SCHIP1: variants seen among roughly 807,000 people sequenced by gnomAD.
The protein encoded by SCHIP1 is schwannomin-interacting protein 1.
SCHIP1 carries 8 observed loss-of-function variants against 29.7 expected under a neutral mutation model. The ratio of observed to expected loss-of-function variants is 0.27; its 90% CI spans 0.16 to 0.49. SCHIP1 has a LOEUF of 0.49. SCHIP1 is among the 20% of genes least tolerant of loss of function. The pLI is 0.99. For missense variants in SCHIP1, 193 were observed against 294.6 expected, an observed-to-expected ratio of 0.66 and a Z score of 2.52; for synonymous variants, 76 against 94.9, an observed-to-expected ratio of 0.80 and a Z score of 1.16.
chr3:159,274,946 T>C, the SCHIP1 span: 1 of 979,210 alleles, frequency 1.0e-6, no homozygotes. Context: ...GACCTCCAAT[T>C]CAAATATAAT....
At chr3:159,571,573 T>A in the SCHIP1 span, among the ~76,000 whole-genome samples, 1 of 152,318 alleles carries the variant, frequency 6.6e-6, no homozygotes, top group African/African-American at 2.4e-5. Flanking sequence ...TCATCAGGGA[T>A]ATTGATCTAA....
At chr3:159,586,187 G>A in the SCHIP1 span, among the ~76,000 whole-genome samples, 18 of 152,134 alleles carry the variant, frequency 1.2e-4, no homozygotes, top group South Asian at 6.2e-4. Context: ...AAGGACATTC[G>A]TCCCTAGGTG....
the SCHIP1 span, among the ~76,000 whole-genome samples, chr3:159,680,963 G>A: frequency 1.1e-4 from 17 of 150,996 alleles, no homozygotes; most frequent in South Asian, 1.7e-3. Flanking sequence ...CATATGCTTC[G>A]AATATCAACT....
the SCHIP1 span, among the ~76,000 whole-genome samples, chr3:159,502,648 C>A: frequency 6.6e-6 from 1 of 151,926 alleles, no homozygotes; most frequent in African/African-American, 2.4e-5. Context: ...CCCCACTCCC[C>A]CCACCCCACA....
At chr3:159,448,661 A>G in the SCHIP1 span, among the ~76,000 whole-genome samples, 3 of 152,184 alleles carry the variant, frequency 2.0e-5, no homozygotes, top group Admixed American at 2.0e-4. Context: ...ATGTTTGGTG[A>G]TAATAATCTC....
intron 1 of SCHIP1, among the ~76,000 whole-genome samples, chr3:159,863,025 T>C (rs1342784723): frequency 1.3e-5 from 2 of 152,114 alleles, no homozygotes; most frequent in Non-Finnish European, 2.9e-5. Flanking sequence ...TAATCAGACA[T>C]GTGGGCAGGC....
At chr3:159,871,367 G>A (rs533069158) in intron 2 of SCHIP1, among the ~76,000 whole-genome samples, 1 of 118,802 alleles carries the variant, frequency 8.4e-6, no homozygotes, top group Non-Finnish European at 1.7e-5. Flanking sequence ...GTTGGGGGGG[G>A]TGGGGGGGGG....
chr3:159,764,977 G>A, the SCHIP1 span: 2 of 1,503,562 alleles, frequency 1.3e-6, no homozygotes, highest in African/African-American at 1.5e-5. The surrounding 1 kb of genome is among the most constrained non-coding windows in gnomAD (Gnocchi z 6.1). Flanking sequence ...CCCGGCGGCT[G>A]GGGGGCTCTG....
At chr3:159,643,418 A>C in the SCHIP1 span, among the ~76,000 whole-genome samples, 1 of 152,084 alleles carries the variant, frequency 6.6e-6, no homozygotes, top group Non-Finnish European at 1.5e-5. Context: ...TGAGAGACAG[A>C]GTACCAACAG....
chr3:159,881,861 T>C (rs1716470278), intron 2 of SCHIP1, among the ~76,000 whole-genome samples: 1 of 152,196 alleles, frequency 6.6e-6, no homozygotes, highest in African/African-American at 2.4e-5. Flanking sequence ...GCTTATTCAG[T>C]CATCTCCGGT....
At chr3:159,315,393 C>CT in the SCHIP1 span, among the ~76,000 whole-genome samples, 27,953 of 136,056 alleles carry the variant, frequency 0.21, 2,968 homozygotes, top group Middle Eastern at 0.29. Flanking sequence ...TATTTTCTTT[C>CT]TTTTTTTTTT....
chr3:159,498,814 C>A, the SCHIP1 span, among the ~76,000 whole-genome samples: 1 of 152,110 alleles, frequency 6.6e-6, no homozygotes, highest in African/African-American at 2.4e-5. Context: ...TTTCTTTGAT[C>A]CTTAGATGTC....
chr3:159,404,104 T>A, the SCHIP1 span, among the ~76,000 whole-genome samples: 1 of 152,272 alleles, frequency 6.6e-6, no homozygotes, highest in South Asian at 2.1e-4. Flanking sequence ...AAAGAGCCCT[T>A]GGGCCCTGAA....
the SCHIP1 span, among the ~76,000 whole-genome samples, chr3:159,436,501 T>C: frequency 6.9e-3 from 1,048 of 152,266 alleles, 78 homozygotes; most frequent in East Asian, 0.16. Context: ...TCACTGGTAC[T>C]AGAGGAGCTT....
chr3:159,755,612 C>T, the SCHIP1 span, among the ~76,000 whole-genome samples: 1 of 152,184 alleles, frequency 6.6e-6, no homozygotes, highest in African/African-American at 2.4e-5. Flanking sequence ...ACGAATCATG[C>T]CTTCCCAACA....
At chr3:159,564,251 A>G in the SCHIP1 span, among the ~76,000 whole-genome samples, 1 of 152,196 alleles carries the variant, frequency 6.6e-6, no homozygotes, top group African/African-American at 2.4e-5. Context: ...CATAAGTCCT[A>G]AGTGTACAGC....
At chr3:159,449,162 C>T in the SCHIP1 span, among the ~76,000 whole-genome samples, 11 of 152,144 alleles carry the variant, frequency 7.2e-5, no homozygotes, top group African/African-American at 2.7e-4. Flanking sequence ...GTCCTTCTGC[C>T]TTGCTCAAAT....
At chr3:159,627,776 C>T in the SCHIP1 span, among the ~76,000 whole-genome samples, 16 of 152,266 alleles carry the variant, frequency 1.1e-4, no homozygotes, top group East Asian at 3.1e-3. Context: ...GACTTGGAGG[C>T]CAAGATCCCG....
chr3:159,580,066 A>G, the SCHIP1 span, among the ~76,000 whole-genome samples: 2 of 152,220 alleles, frequency 1.3e-5, no homozygotes, highest in Non-Finnish European at 2.9e-5. Flanking sequence ...CTGTAGGCAC[A>G]TGCTCTAACT....
Sources: allele counts gnomAD v4.1 joint callset (sites outside exome capture counted in the v4.1 genomes callset), GRCh38; gene constraint gnomAD v4.1.1; non-coding constraint Gnocchi (gnomAD v3.1); transcripts MANE v1.5; gene names NCBI Gene and HGNC (gene_info 2026-07-23, HGNC 2026-07-21).